The following DPY19L4 variants were observed in gnomAD, a reference collection of about 807,000 sequenced individuals.
The protein encoded by DPY19L4 is dpy-19 like 4, also known as probable C-mannosyltransferase DPY19L4.
Under a neutral mutation model 102.8 loss-of-function variants are expected in DPY19L4, and 97 were observed. That is an observed-to-expected ratio of 0.94 (90% CI 0.80 to 1.12). DPY19L4 has a LOEUF of 1.12. Ranked by LOEUF, DPY19L4 falls within the 50% of genes most tolerant of loss-of-function variation. The pLI is 0.00. For missense variants in DPY19L4, 815 were observed against 850.4 expected, an observed-to-expected ratio of 0.96 and a Z score of 0.52; for synonymous variants, 252 against 283.1, an observed-to-expected ratio of 0.89 and a Z score of 1.10.
intron 6 of DPY19L4, among the ~76,000 whole-genome samples, chr8:94,751,118 C>CTTTCTTTTT (rs1261561359): frequency 3.4e-5 from 4 of 116,882 alleles, no homozygotes; most frequent in Admixed American, 1.7e-4. Flanking sequence ...TCTTTTCTTT[C>CTTTCTTTTT]TTTTCTTTTT....
rs750052018 is a variant in DPY19L4 at position 94,791,781 on chromosome 8, T to TA, written c.*1873dup. On this transcript the variant is annotated 3_prime_UTR_variant, in exon 19 of 19. Coordinates refer to ENST00000414645, the MANE Select transcript of DPY19L4 (RefSeq NM_181787.3). Reference sequence around the variant, plus strand: ...ACTTGTGTTTTGTTTGACATATTAGTAAGTTGCTTTTGCTTCTTTCTGTCA... The same window carrying TA: ...ACTTGTGTTTTGTTTGACATATTAGTAAAGTTGCTTTTGCTTCTTTCTGTCA... 1 of 152,186 alleles carries TA rather than the reference T, an allele frequency of 6.6e-6. No homozygotes were observed. Among genetic ancestry groups the TA allele is most frequent in the Non-Finnish European group, 1.5e-5 (1 of 68,026 alleles). The allele number at this position is 152,186 out of a possible 1,614,324, so 9.4% of individuals were successfully genotyped here.
chr8:94,786,043 C>T (rs1434166186), intron 17 of DPY19L4, among the ~76,000 whole-genome samples: 3 of 152,180 alleles, frequency 2.0e-5, no homozygotes, highest in African/African-American at 4.8e-5. Flanking sequence ...GTATGTAGCA[C>T]ATAGCAGGTA....
At chr8:94,732,579 A>G (rs1208999800) in intron 2 of DPY19L4, among the ~76,000 whole-genome samples, 1 of 152,200 alleles carries the variant, frequency 6.6e-6, no homozygotes, top group Non-Finnish European at 1.5e-5. Context: ...CATATATAAC[A>G]GTTGTATGTG....
chr8:94,751,119 T>TTTC lies in DPY19L4; in HGVS notation c.612-4915_612-4914insCTT, dbSNP rs751999161. ...TTCTAATACCTCCCTCTTTTCTTTC[T>TTTC]TTTCTTTTTTTTTTTTTGAGACAGA... On this transcript the variant is annotated intron_variant, in intron 6 of 18. Coordinates refer to ENST00000414645, the MANE Select transcript of DPY19L4 (RefSeq NM_181787.3). 7.7e-4 allele frequency among the ~76,000 whole-genome samples: 86 copies of TTTC among 111,684 alleles called. 1 individual carries two copies. Among genetic ancestry groups the TTTC allele is most frequent in the African/African-American group, 8.5e-4 (27 of 31,918 alleles). 73.3% of individuals were successfully genotyped at this position (111,684 alleles called of 152,430 possible).
At chr8:94,780,335 A>G in intron 14 of DPY19L4, 24 bp from the exon 15 acceptor site, 1 of 1,445,676 alleles carries the variant, frequency 6.9e-7, no homozygotes, top group Non-Finnish European at 9.3e-7. Flanking sequence ...TTTATTTGTA[A>G]TCCTTTTTGC....
chr8:94,776,528 G>C (rs1472719252), intron 13 of DPY19L4, among the ~76,000 whole-genome samples: 1 of 150,668 alleles, frequency 6.6e-6, no homozygotes, highest in Non-Finnish European at 1.5e-5. Context: ...GCAAAAATTA[G>C]GTTAACATTG....
chr8:94,723,180 T>A (rs7010617), intron 1 of DPY19L4, among the ~76,000 whole-genome samples: 3,931 of 152,158 alleles, frequency 0.026, 172 homozygotes, highest in African/African-American at 0.089. Context: ...TATCAGATAG[T>A]GAAAAGGAGT....
At chr8:94,788,589 G>A (rs547906818) in intron 18 of DPY19L4, among the ~76,000 whole-genome samples, 22 of 152,182 alleles carry the variant, frequency 1.4e-4, no homozygotes, top group African/African-American at 4.6e-4. Context: ...TATTGATTTC[G>A]GCTGTTTTAC....
intron 8 of DPY19L4, among the ~76,000 whole-genome samples, chr8:94,762,578 G>T (rs4524755): frequency 6.6e-6 from 1 of 151,978 alleles, no homozygotes; most frequent in African/African-American, 2.4e-5. Flanking sequence ...TAACTGGCAC[G>T]CATCTGTAGA....
At chr8:94,766,293 T>G (rs930302983) in intron 10 of DPY19L4, among the ~76,000 whole-genome samples, 1 of 152,176 alleles carries the variant, frequency 6.6e-6, no homozygotes, top group South Asian at 2.1e-4. Flanking sequence ...GAGAATTGCT[T>G]GAACCCGGGA....
intron 6 of DPY19L4, chr8:94,744,720 ACT>A: frequency 2.8e-6 from 1 of 362,190 alleles, no homozygotes; most frequent in Non-Finnish European, 5.4e-6. Context: ...AAAGAATAAG[ACT>A]CTCTTTAGAG....
chr8:94,787,915 C>T lies in DPY19L4; in HGVS notation c.1870C>T (p.Arg624Ter), dbSNP rs199952345. The T allele has an allele frequency of 1.2e-4, 175 of 1,412,024 alleles. No individual in the cohort carries two copies. Among genetic ancestry groups the T allele is most frequent in the Admixed American group, 7.7e-4 (30 of 39,014 alleles). The allele number at this position is 1,412,024 out of a possible 1,614,324, so 87.5% of individuals were successfully genotyped here. The change falls in exon 18 of 19, where the codon CGA becomes TGA. Residue 624 changes from arginine (R) to a stop codon, truncating the protein, a stop_gained. Coordinates refer to ENST00000414645, the MANE Select transcript of DPY19L4 (RefSeq NM_181787.3). LOFTEE classifies it high-confidence loss of function. ...TCAGATCTACCAAATCTATTCAAAGCGATCTGCTGAGGATATTTATAAAAT... is the reference window on the plus strand; with the variant it reads ...TCAGATCTACCAAATCTATTCAAAGTGATCTGCTGAGGATATTTATAAAAT... The part of the protein sequence containing the change: ...NENIYQIYSK[R>*]SAEDIYKILT...
intron 11 of DPY19L4, among the ~76,000 whole-genome samples, chr8:94,767,079 A>AG (rs1317628449): frequency 6.6e-6 from 1 of 151,856 alleles, no homozygotes; most frequent in East Asian, 1.9e-4. Flanking sequence ...AAAAAAAAAA[A>AG]AAAAAATACC....
intron 6 of DPY19L4, among the ~76,000 whole-genome samples, chr8:94,752,585 CA>C (rs370640228): frequency 0.13 from 10,476 of 79,270 alleles, 221 homozygotes; most frequent in Non-Finnish European, 0.17. Context: ...GACTCCATCT[CA>C]AAAAAAAAAA....
chr8:94,786,532 A>G (rs1051859354), intron 17 of DPY19L4, among the ~76,000 whole-genome samples: 1 of 151,956 alleles, frequency 6.6e-6, no homozygotes, highest in Non-Finnish European at 1.5e-5. Context: ...TCTGAAAGCA[A>G]TGATGAACTG....
chr8:94,775,151 C>T (rs1428596424), intron 13 of DPY19L4, among the ~76,000 whole-genome samples: 1 of 151,796 alleles, frequency 6.6e-6, no homozygotes, highest in Non-Finnish European at 1.5e-5. Context: ...CCATTGTGCC[C>T]CTAGATCAGC....
In DPY19L4 at chr8:94,719,904, G is replaced by A; in HGVS notation, c.-95G>A. On this transcript the variant is annotated 5_prime_UTR_variant, in exon 1 of 19. Coordinates refer to ENST00000414645, the MANE Select transcript of DPY19L4 (RefSeq NM_181787.3). ...GGAAGTGGGGGCGCGGCGGCCAGGAGCGGGCCCCCGGAGGCCGAGGGGTTC... is the reference window on the plus strand; with the variant it reads ...GGAAGTGGGGGCGCGGCGGCCAGGAACGGGCCCCCGGAGGCCGAGGGGTTC... The A allele has an allele frequency of 1.4e-6, 2 of 1,390,076 alleles. No homozygotes were observed. The highest frequency in any genetic ancestry group is 9.4e-7 in the Non-Finnish European group (1 of 1,063,440). 86.1% of individuals were successfully genotyped at this position (1,390,076 alleles called of 1,614,324 possible).
At chr8:94,751,038 C>A (rs1811897229) in intron 6 of DPY19L4, among the ~76,000 whole-genome samples, 2 of 152,096 alleles carry the variant, frequency 1.3e-5, no homozygotes, top group Non-Finnish European at 1.5e-5. Context: ...GCCTCAGCCT[C>A]CCAAAGTGCC....
At chr8:94,775,830 C>T (rs1813151836) in intron 13 of DPY19L4, among the ~76,000 whole-genome samples, 1 of 151,944 alleles carries the variant, frequency 6.6e-6, no homozygotes, top group Non-Finnish European at 1.5e-5. Flanking sequence ...ATAATCTATA[C>T]TAAGCACTGA....
Sources: allele counts gnomAD v4.1 joint callset (sites outside exome capture counted in the v4.1 genomes callset), GRCh38; gene constraint gnomAD v4.1.1; transcripts MANE v1.5; gene names NCBI Gene and HGNC (gene_info 2026-07-23, HGNC 2026-07-21).